Variants in TNFRSF8 observed in about 807,000 individuals in gnomAD.
The protein encoded by TNFRSF8 is TNF receptor superfamily member 8.
In TNFRSF8, 26 loss-of-function variants were observed where a neutral mutation model predicts 70.8. The ratio of observed to expected loss-of-function variants is 0.37; its 90% confidence interval spans 0.27 to 0.51. The LOEUF (loss-of-function observed/expected upper bound fraction) is 0.51, where lower values mean the gene tolerates loss of function less well. Among genes scored for constraint, TNFRSF8 ranks in the 20% least tolerant of loss-of-function variants. The pLI, the probability that TNFRSF8 is intolerant of heterozygous loss-of-function variation, is 0.94. For synonymous variants in TNFRSF8, 356 were observed against 339.2 expected (o/e 1.05, Z -0.54); for missense variants, 720 against 807.9 (o/e 0.89, Z 1.32).
chr1:12,138,664 G>A lies in TNFRSF8; in HGVS notation c.1543+228G>A, dbSNP rs945982813. On this transcript the variant is annotated intron_variant, in intron 14 of 14. Transcript: ENST00000263932. The surrounding 1 kb of genome is among the most constrained non-coding windows in gnomAD (Gnocchi z 5.7). Reference sequence around the variant, plus strand: ...ATGAGCCAGTGTGCATGAGATGCCTGCTGTTACTCATAAAAAACGAACACC... The same window carrying A: ...ATGAGCCAGTGTGCATGAGATGCCTACTGTTACTCATAAAAAACGAACACC... Among the ~76,000 whole-genome samples, 8 of 152,310 alleles carry A rather than the reference G, an allele frequency of 5.3e-5. No homozygotes were observed. The highest frequency in any genetic ancestry group is 1.9e-4 in the African/African-American group (8 of 41,562).
chr1:12,084,070 T>C (rs1306414584), intron 1 of TNFRSF8, among the ~76,000 whole-genome samples: 1 of 152,130 alleles, frequency 6.6e-6, no homozygotes, highest in African/African-American at 2.4e-5. Flanking sequence ...TGTACGGGTG[T>C]GTTAGACTTC....
At chr1:12,097,780 C>CT (rs965807356) in intron 3 of TNFRSF8, among the ~76,000 whole-genome samples, 2 of 151,858 alleles carry the variant, frequency 1.3e-5, no homozygotes, top group African/African-American at 4.8e-5. Context: ...TTGTTGAGAT[C>CT]TTTTTGTGGT....
rs201949734 is a variant in TNFRSF8, at chr1:12,126,000, C to T, written c.1203C>T (p.Ser401=). The stretch of plus-strand genomic sequence containing the variant: ...TGGTGTTGGTTGTGGTGGTCGGCTC[C>T]AGCGCCTTCCTCCTGTGCCACCGGA... ...VILVLVVVVG[S]SAFLLCHRRA... Residue 401 remains serine, a synonymous_variant, in exon 11 of 15, where the codon TCC becomes TCT. Coordinates refer to ENST00000263932, the MANE Select transcript of TNFRSF8 (RefSeq NM_001243.5). 94 of 1,613,770 alleles carry T rather than the reference C, an allele frequency of 5.8e-5. No individual in the cohort carries two copies. The highest frequency in any genetic ancestry group is 8.0e-5 in the Non-Finnish European group (94 of 1,179,962).
chr1:12,135,638 C>T, intron 13 of TNFRSF8, 25 bp downstream of exon 13: 1 of 1,613,688 alleles, frequency 6.2e-7, no homozygotes, highest in Non-Finnish European at 8.5e-7. Flanking sequence ...CTTGCCCCCA[C>T]CTCAGCTTCG....
intron 1 of TNFRSF8, among the ~76,000 whole-genome samples, chr1:12,077,272 G>T (rs1009354761): frequency 3.3e-4 from 50 of 152,174 alleles, no homozygotes; most frequent in Non-Finnish European, 5.4e-4. Flanking sequence ...TGGATCTTGA[G>T]ACAGGAAGAT....
intron 2 of TNFRSF8, among the ~76,000 whole-genome samples, 156 bp downstream of exon 2, chr1:12,084,707 A>G (rs991852697): frequency 6.6e-6 from 1 of 151,836 alleles, no homozygotes; most frequent in East Asian, 1.9e-4. Flanking sequence ...GCGGAGTCCA[A>G]GGACTCTCTC....
intron 2 of TNFRSF8, among the ~76,000 whole-genome samples, chr1:12,090,036 CATCT>C (rs551508614): frequency 1.7e-4 from 25 of 151,366 alleles, no homozygotes; most frequent in East Asian, 5.9e-4. Flanking sequence ...TTTCCCCATC[CATCT>C]ATCTACCCAT....
rs376836441 is a variant in TNFRSF8 at position 12,138,217 on chromosome 1, C to T, written c.1336-12C>T. On this transcript the variant is annotated splice_polypyrimidine_tract_variant and intron_variant, in intron 13 of 14. Coordinates refer to ENST00000263932, the MANE Select transcript of TNFRSF8 (RefSeq NM_001243.5). This position sits in a 1 kb window ranked among gnomAD's most constrained non-coding sequence, Gnocchi z 5.7. The stretch of plus-strand genomic sequence containing the variant: ...GGGGTACCCTGCAGCAGCACCCATT[C>T]CCGTCCCACAGCAGCTGAGGAGTGG... 42 of 1,612,510 alleles carry T rather than the reference C, an allele frequency of 2.6e-5. No individual in the cohort carries two copies. The highest frequency in any genetic ancestry group is 3.5e-5 in the Non-Finnish European group (41 of 1,179,214).
intron 14 of TNFRSF8, among the ~76,000 whole-genome samples, chr1:12,139,548 G>A (rs1483166424): frequency 2.0e-5 from 3 of 152,152 alleles, no homozygotes; most frequent in East Asian, 1.9e-4. Flanking sequence ...GTGTGACTGC[G>A]TGTTTATAGC....
chr1:12,074,462 T>C (rs1640902342), intron 1 of TNFRSF8, among the ~76,000 whole-genome samples: 1 of 151,942 alleles, frequency 6.6e-6, no homozygotes, highest in African/African-American at 2.4e-5. Context: ...GTAGTTTTAG[T>C]AGAGAGGGGG....
chr1:12,098,172 A>G (rs1641363035), intron 3 of TNFRSF8, among the ~76,000 whole-genome samples: 2 of 152,088 alleles, frequency 1.3e-5, no homozygotes, highest in South Asian at 2.1e-4. Context: ...TTAATTTCAC[A>G]TTTGTTTGGC....
At chr1:12,102,203 G>T (rs867855243) in intron 3 of TNFRSF8, among the ~76,000 whole-genome samples, 2 of 152,140 alleles carry the variant, frequency 1.3e-5, no homozygotes, top group Non-Finnish European at 2.9e-5. Flanking sequence ...TCATGATGCC[G>T]GTGGTCTGCG....
chr1:12,095,573 C>A (rs146484312), intron 2 of TNFRSF8, among the ~76,000 whole-genome samples: 88 of 152,370 alleles, frequency 5.8e-4, no homozygotes, highest in African/African-American at 2.0e-3. Context: ...CAGGCGTGAG[C>A]CACCGCACCC....
In TNFRSF8 at chr1:12,110,350, G is replaced by A; in HGVS notation, c.676+146G>A. The A allele has an allele frequency of 1.2e-6, 1 of 868,886 alleles. No individual in the cohort carries two copies. The highest frequency in any genetic ancestry group is 2.1e-5 in the South Asian group (1 of 47,462). 53.8% of individuals were successfully genotyped at this position (868,886 alleles called of 1,614,324 possible). On this transcript the variant is annotated intron_variant, in intron 6 of 14. Coordinates refer to ENST00000263932, the MANE Select transcript of TNFRSF8 (RefSeq NM_001243.5). This position sits in a 1 kb window ranked among gnomAD's most constrained non-coding sequence, Gnocchi z 4.0. ...AAGACGGTGGTAAGGTATGATCTAGGGCTGAAAGCATTGAGGGGCAGAGGT... is the reference window on the plus strand; with the variant it reads ...AAGACGGTGGTAAGGTATGATCTAGAGCTGAAAGCATTGAGGGGCAGAGGT...
At chr1:12,125,865 C>T (rs1031785241) in intron 10 of TNFRSF8, 86 bp from the exon 11 acceptor site, 2 of 1,035,608 alleles carry the variant, frequency 1.9e-6, no homozygotes, top group Admixed American at 1.7e-5. Flanking sequence ...AGCTGTGTCC[C>T]AGGAGAAGGA....
chr1:12,141,838 C>A lies in TNFRSF8; in HGVS notation c.1544-449C>A, dbSNP rs901300644. ...CGACCTTGGGCAGGTCATTTAACCT[C>A]TCCAGGCTTCAGATTCTTACCTGTA... On this transcript the variant is annotated intron_variant, in intron 14 of 14. Coordinates refer to ENST00000263932, the MANE Select transcript of TNFRSF8 (RefSeq NM_001243.5). The surrounding 1 kb of genome is among the most constrained non-coding windows in gnomAD (Gnocchi z 5.4). Among the ~76,000 whole-genome samples the A allele has an allele frequency of 3.9e-5, 6 of 152,192 alleles. No individual in the cohort carries two copies. Among genetic ancestry groups the A allele is most frequent in the African/African-American group, 1.4e-4 (6 of 41,436 alleles).
At chr1:12,115,073 G>A (rs1641703969) in intron 7 of TNFRSF8, among the ~76,000 whole-genome samples, 3 of 152,142 alleles carry the variant, frequency 2.0e-5, no homozygotes, top group East Asian at 1.9e-4. Flanking sequence ...AGATGGCTGC[G>A]TACTATCACC....
intron 1 of TNFRSF8, among the ~76,000 whole-genome samples, chr1:12,075,737 A>G (rs1249502964): frequency 6.6e-6 from 1 of 152,236 alleles, no homozygotes; most frequent in Non-Finnish European, 1.5e-5. Context: ...ACAGAGCAGG[A>G]GCGTCACCAT....
Position 12,123,314 on chromosome 1 carries a change from C to T in TNFRSF8, c.977C>T (p.Ala326Val), listed in dbSNP as rs200934413. ...GCTGAGAAGGACACCACCTTTGAGG[C>T]GCCACCCCTGGGGACCCAGCCGGAC... Reference protein sequence around the residue: ...DMAEKDTTFEAPPLGTQPDCN... With the variant: ...DMAEKDTTFEVPPLGTQPDCN... The change falls in exon 9 of 15, where the codon GCG becomes GTG. Residue 326 changes from alanine (A) to valine (V), a missense_variant. Coordinates refer to ENST00000263932, the MANE Select transcript of TNFRSF8 (RefSeq NM_001243.5). The T allele has an allele frequency of 2.2e-5, 36 of 1,613,292 alleles. 1 individual carries two copies. The highest frequency in any genetic ancestry group is 1.5e-4 in the African/African-American group (11 of 75,034).
Sources: gnomAD v4.1 joint callset for allele counts (sites outside exome capture counted in the v4.1 genomes callset) on GRCh38, gnomAD v4.1.1 for gene constraint, Gnocchi (gnomAD v3.1) non-coding constraint, MANE v1.5 for transcripts, NCBI Gene and HGNC (gene_info 2026-07-23, HGNC 2026-07-21) for gene names.